The following LINGO2 variants were observed in gnomAD, a reference collection of about 807,000 sequenced individuals.
LINGO2 encodes the protein leucine rich repeat and Ig domain containing 2, also known as leucine-rich repeat and immunoglobulin-like domain-containing nogo receptor-interacting protein 2.
LINGO2 carries 14 observed loss-of-function variants against 30.6 expected under a neutral mutation model. That is an observed-to-expected ratio of 0.46 (90% confidence interval 0.30 to 0.72). The LOEUF (loss-of-function observed/expected upper bound fraction) is 0.72, where lower values mean the gene tolerates loss of function less well. Ranked by LOEUF, LINGO2 falls within the 30% of genes least tolerant of loss-of-function variation. The pLI is 0.07. For synonymous variants in LINGO2, 317 were observed against 288.5 expected, an observed-to-expected ratio of 1.10 and a Z score of -1.00; for missense variants, 729 against 751.7, an observed-to-expected ratio of 0.97 and a Z score of 0.35.
intron 1 of LINGO2, among the ~76,000 whole-genome samples, chr9:28,583,799 C>T (rs759551745): frequency 1.9e-4 from 29 of 151,922 alleles, no homozygotes; most frequent in Admixed American, 7.9e-4. Context: ...GAAAACATCC[C>T]CCAAAGTTCA....
the LINGO2 span, among the ~76,000 whole-genome samples, chr9:28,712,936 G>A: frequency 2.0e-5 from 3 of 151,856 alleles, no homozygotes; most frequent in African/African-American, 7.2e-5. Flanking sequence ...CCTGATCTCC[G>A]CTCACTGCAA....
At chr9:28,595,209 G>T (rs1825119678) in intron 1 of LINGO2, among the ~76,000 whole-genome samples, 1 of 152,096 alleles carries the variant, frequency 6.6e-6, no homozygotes, top group African/African-American at 2.4e-5. Context: ...ACATAATCAT[G>T]TGAAGTTAAG....
intron 1 of LINGO2, among the ~76,000 whole-genome samples, chr9:28,539,398 A>T (rs561835242): frequency 6.6e-6 from 1 of 152,170 alleles, no homozygotes; most frequent in Non-Finnish European, 1.5e-5. Flanking sequence ...AGTTAATACA[A>T]TTCTCTTCAT....
intron 1 of LINGO2, among the ~76,000 whole-genome samples, chr9:28,644,183 C>G (rs1012098673): frequency 6.6e-6 from 1 of 151,812 alleles, no homozygotes; most frequent in Non-Finnish European, 1.5e-5. Context: ...AATTCCACTA[C>G]TGGATATATA....
chr9:28,983,047 A>G, the LINGO2 span, among the ~76,000 whole-genome samples: 1 of 151,864 alleles, frequency 6.6e-6, no homozygotes, highest in Non-Finnish European at 1.5e-5. Flanking sequence ...AGAAAATATC[A>G]CATGAACTCA....
At chr9:29,181,537 T>C in the LINGO2 span, among the ~76,000 whole-genome samples, 3 of 152,172 alleles carry the variant, frequency 2.0e-5, no homozygotes, top group Non-Finnish European at 2.9e-5. Context: ...TTTCTTAGCT[T>C]CCATGATAAT....
At chr9:28,105,871 CT>C (rs1314315976) in intron 4 of LINGO2, among the ~76,000 whole-genome samples, 18 of 152,002 alleles carry the variant, frequency 1.2e-4, no homozygotes, top group African/African-American at 4.3e-4. Context: ...GATTTCTGGC[CT>C]ATGGAACTGT....
At chr9:29,151,163 C>G in the LINGO2 span, among the ~76,000 whole-genome samples, 1 of 151,538 alleles carries the variant, frequency 6.6e-6, no homozygotes, top group Non-Finnish European at 1.5e-5. Flanking sequence ...TCATGCCAAA[C>G]TAAGCTTCAT....
chr9:28,500,489 T>C (rs959452798), intron 1 of LINGO2, among the ~76,000 whole-genome samples: 6 of 152,002 alleles, frequency 3.9e-5, no homozygotes, highest in African/African-American at 1.2e-4. Context: ...AAAGTAAAAA[T>C]AATTGGATGC....
chr9:28,680,649 G>A, the LINGO2 span, among the ~76,000 whole-genome samples: 1 of 152,108 alleles, frequency 6.6e-6, no homozygotes, highest in East Asian at 1.9e-4. Context: ...TTTATCAGGT[G>A]TTATCTTTTT....
chr9:28,287,823 C>T (rs1219169737), intron 4 of LINGO2, among the ~76,000 whole-genome samples: 2 of 152,012 alleles, frequency 1.3e-5, no homozygotes, highest in Admixed American at 6.6e-5. Context: ...CATATGTGCA[C>T]TGCTGTGACA....
chr9:28,283,640 G>A (rs1196355600), intron 4 of LINGO2, among the ~76,000 whole-genome samples: 2 of 152,112 alleles, frequency 1.3e-5, no homozygotes, highest in African/African-American at 4.8e-5. Context: ...ACTCACACAT[G>A]TATTAGCTGT....
intron 5 of LINGO2, among the ~76,000 whole-genome samples, chr9:27,995,407 C>T (rs913953865): frequency 6.6e-6 from 1 of 152,116 alleles, no homozygotes; most frequent in African/African-American, 2.4e-5. Context: ...CCCTGCTACC[C>T]AAACCAGACA....
chr9:28,127,355 G>C (rs1827265364), intron 4 of LINGO2, among the ~76,000 whole-genome samples: 1 of 152,168 alleles, frequency 6.6e-6, no homozygotes, highest in African/African-American at 2.4e-5. Context: ...AGAGAGGCAG[G>C]CCCTGGAGGA....
chr9:28,032,636 A>G (rs147000283), intron 4 of LINGO2, among the ~76,000 whole-genome samples: 2 of 152,188 alleles, frequency 1.3e-5, no homozygotes, highest in Non-Finnish European at 2.9e-5. Flanking sequence ...TGAGACCCAA[A>G]ATGTTCAAAC....
chr9:28,496,991 C>T (rs963380132), intron 1 of LINGO2, among the ~76,000 whole-genome samples: 2 of 152,254 alleles, frequency 1.3e-5, no homozygotes. Flanking sequence ...TTGGCCGCCA[C>T]TCTCTTCTGG....
At chr9:28,101,705 T>C (rs1001873605) in intron 4 of LINGO2, among the ~76,000 whole-genome samples, 2 of 152,136 alleles carry the variant, frequency 1.3e-5, no homozygotes, top group Non-Finnish European at 2.9e-5. Context: ...CAACAGAAGT[T>C]TGTCTTGGTT....
the LINGO2 span, among the ~76,000 whole-genome samples, chr9:29,004,771 C>G: frequency 1.3e-5 from 2 of 151,870 alleles, no homozygotes; most frequent in Non-Finnish European, 2.9e-5. Flanking sequence ...GACACACACA[C>G]ACACAAAACA....
intron 4 of LINGO2, among the ~76,000 whole-genome samples, chr9:28,217,590 G>A (rs1226996334): frequency 3.3e-5 from 5 of 151,900 alleles, no homozygotes; most frequent in African/African-American, 9.6e-5. Flanking sequence ...TTTCTGAAAT[G>A]TTTTCTTCAT....
Sources: gnomAD v4.1 joint callset for allele counts (sites outside exome capture counted in the v4.1 genomes callset) on GRCh38, gnomAD v4.1.1 for gene constraint, MANE v1.5 for transcripts, NCBI Gene and HGNC (gene_info 2026-07-23, HGNC 2026-07-21) for gene names.